Variants in PCDHGB3 observed in about 807,000 individuals in gnomAD.
PCDHGB3 encodes protocadherin gamma-B3.
Under a neutral mutation model 59.2 loss-of-function variants are expected in PCDHGB3, and 40 were observed. That is an observed-to-expected ratio of 0.68 (90% CI 0.52 to 0.88). PCDHGB3 has a LOEUF of 0.88. PCDHGB3 is among the 40% of genes least tolerant of loss of function. The probability of loss-of-function intolerance (pLI) is 0.00; values close to 1 mark genes in which losing one functional copy is unlikely to be tolerated. For missense variants in PCDHGB3, 1,309 were observed against 1,187.9 expected, an observed-to-expected ratio of 1.10 and a Z score of -1.50; for synonymous variants, 581 against 503.6, an observed-to-expected ratio of 1.15 and a Z score of -2.06.
Position 141,485,119 on chromosome 5 carries a change from C to A in PCDHGB3, c.2416-9688C>A. 3.0e-6 allele frequency: 4 copies of A among 1,328,812 alleles called. No homozygotes were observed. Among genetic ancestry groups the A allele is most frequent in the Non-Finnish European group, 4.3e-6 (4 of 935,940 alleles). The allele number at this position is 1,328,812 out of a possible 1,614,324, so 82.3% of individuals were successfully genotyped here. ...CTCCAGCTGCTGTGGCTGTTTGGGG[C>A]GGGTCGGCTTCATCCGCGTCTCAGG... On this transcript the variant is annotated intron_variant, in intron 1 of 3. Transcript: ENST00000576222. This position sits in a 1 kb window ranked among gnomAD's most constrained non-coding sequence, Gnocchi z 5.7.
At chr5:141,410,767 G>T in intron 1 of PCDHGB3, 6 of 942,270 alleles carry the variant, frequency 6.4e-6, no homozygotes, top group South Asian at 2.2e-5. Context: ...TTCAATTATA[G>T]TTTTCACTAT....
chr5:141,399,092 G>C (rs573118488), intron 1 of PCDHGB3: 1 of 1,613,810 alleles, frequency 6.2e-7, no homozygotes, highest in East Asian at 2.2e-5. Context: ...GATGGTGGTG[G>C]ACTGGTTGCA....
chr5:141,501,852 A>G (rs922276780), intron 2 of PCDHGB3, among the ~76,000 whole-genome samples: 2 of 151,924 alleles, frequency 1.3e-5, no homozygotes, highest in African/African-American at 4.8e-5. Context: ...TCAACCTTCA[A>G]CCATTTCCCA....
rs1460626002 is a variant in PCDHGB3, at chr5:141,486,935, C to A, written c.2416-7872C>A. ...ACTGCCTCCATCAGTTGGTGCTGGC[C>A]ACCTAATCACAAAGGTGACTGCTGT... On this transcript the variant is annotated intron_variant, in intron 1 of 3. Transcript: ENST00000576222. This position sits in a 1 kb window ranked among gnomAD's most constrained non-coding sequence, Gnocchi z 5.0. 5 of 1,614,228 alleles carry A rather than the reference C, an allele frequency of 3.1e-6. No individual in the cohort carries two copies. The highest frequency in any genetic ancestry group is 4.2e-6 in the Non-Finnish European group (5 of 1,180,038).
intron 1 of PCDHGB3, chr5:141,385,078 G>C (rs755613540): frequency 6.2e-7 from 1 of 1,614,222 alleles, no homozygotes. Context: ...CCTGCTGCAG[G>C]CTTCAGAAGG....
chr5:141,405,856 C>T (rs1340012897), intron 1 of PCDHGB3, among the ~76,000 whole-genome samples: 1 of 152,096 alleles, frequency 6.6e-6, no homozygotes, highest in Non-Finnish European at 1.5e-5. Flanking sequence ...GTGTGTTTCT[C>T]ATCACTTTTC....
chr5:141,489,159 T>G lies in PCDHGB3; in HGVS notation c.2416-5648T>G. On this transcript the variant is annotated intron_variant, in intron 1 of 3. Transcript: ENST00000576222. This position sits in a 1 kb window ranked among gnomAD's most constrained non-coding sequence, Gnocchi z 4.5. ...AGGCTGGAAGGAGACATAAGAGACT[T>G]CAGCTGCTGCATTCCAAGCCCTGGG... is the stretch of plus-strand genomic sequence containing the variant. 2 of 1,023,152 alleles carry G rather than the reference T, an allele frequency of 2.0e-6. No individual in the cohort carries two copies. Among genetic ancestry groups the G allele is most frequent in the Non-Finnish European group, 2.9e-6 (2 of 697,120 alleles). The allele number at this position is 1,023,152 out of a possible 1,614,324, so 63.4% of individuals were successfully genotyped here. A position where few individuals can be genotyped will look rare whatever the true frequency, so the allele number is the denominator to read the frequency against.
At chr5:141,406,682 ATTC>A (rs1390945950) in intron 1 of PCDHGB3, among the ~76,000 whole-genome samples, 1 of 152,216 alleles carries the variant, frequency 6.6e-6, no homozygotes, top group Non-Finnish European at 1.5e-5. Flanking sequence ...ATAGTAGGAC[ATTC>A]TTCTTTTCTA....
At chr5:141,450,835 T>TATTA (rs1438371595) in intron 1 of PCDHGB3, among the ~76,000 whole-genome samples, 1 of 142,096 alleles carries the variant, frequency 7.0e-6, no homozygotes, top group Admixed American at 6.9e-5. Context: ...TATTATTTTT[T>TATTA]TTTTTTTGAG....
At position 141,490,938 on chromosome 5, in the gene PCDHGB3, C is replaced by T. The variant is rs2099706179; in HGVS notation, c.2416-3869C>T. ...ATGATAATGCCCCAGCTGTGCTGCA[C>T]CCACGGCCAGACTGGGAACACTCAG... On this transcript the variant is annotated intron_variant, in intron 1 of 3. Coordinates refer to ENST00000576222, the MANE Select transcript of PCDHGB3 (RefSeq NM_018924.5). This position sits in a 1 kb window ranked among gnomAD's most constrained non-coding sequence, Gnocchi z 5.4. 6.2e-7 allele frequency: 1 copy of T among 1,613,554 alleles called. No homozygotes were observed. Among genetic ancestry groups the T allele is most frequent in the African/African-American group, 1.3e-5 (1 of 74,934 alleles).
chr5:141,504,790 CT>C (rs1204741124), intron 2 of PCDHGB3, among the ~76,000 whole-genome samples: 15 of 152,080 alleles, frequency 9.9e-5, no homozygotes, highest in Admixed American at 3.9e-4. Context: ...TTGGGGCCTC[CT>C]ACATCTCCCC....
chr5:141,397,047 G>T (rs180929307), intron 1 of PCDHGB3, among the ~76,000 whole-genome samples: 4 of 152,276 alleles, frequency 2.6e-5, no homozygotes, highest in Admixed American at 2.0e-4. Flanking sequence ...TTATGTAAAT[G>T]AACTTATGAG....
chr5:141,413,841 T>G, intron 1 of PCDHGB3: 1 of 1,613,060 alleles, frequency 6.2e-7, no homozygotes, highest in Non-Finnish European at 8.5e-7. Context: ...CCGACGGGGG[T>G]GACCCTCTCC....
At chr5:141,443,871 G>A (rs1395939418) in intron 1 of PCDHGB3, among the ~76,000 whole-genome samples, 1 of 152,112 alleles carries the variant, frequency 6.6e-6, no homozygotes, top group East Asian at 1.9e-4. Context: ...AAAAATTACT[G>A]ATAAGTCAAG....
At chr5:141,405,363 C>A (rs765508317) in intron 1 of PCDHGB3, 3 of 1,613,808 alleles carry the variant, frequency 1.9e-6, no homozygotes, top group South Asian at 1.1e-5. Context: ...ATAGAAGACA[C>A]CCCTTTGGTT....
rs2099606506 is a variant in PCDHGB3 at position 141,485,072 on chromosome 5, G to A, written c.2416-9735G>A. ...CCGGCCGAACCGCGCCAGAGCTGGC[G>A]CGGGGAAAGGGAGATAGGTGTCTCC... On this transcript the variant is annotated intron_variant, in intron 1 of 3. Transcript: ENST00000576222. This position sits in a 1 kb window ranked among gnomAD's most constrained non-coding sequence, Gnocchi z 5.7. 2 of 916,892 alleles carry A rather than the reference G, an allele frequency of 2.2e-6. No homozygotes were observed. The highest frequency in any genetic ancestry group is 3.4e-6 in the Non-Finnish European group (2 of 587,886). The allele number at this position is 916,892 out of a possible 1,614,324, so 56.8% of individuals were successfully genotyped here.
intron 1 of PCDHGB3, among the ~76,000 whole-genome samples, chr5:141,453,574 G>T (rs1285296493): frequency 6.6e-6 from 1 of 152,084 alleles, no homozygotes; most frequent in Non-Finnish European, 1.5e-5. Context: ...TCATTAGTTT[G>T]TGGTTTATCC....
rs758599120 is a variant in PCDHGB3 at position 141,414,165 on chromosome 5, A to G, written c.2415+41356A>G. On this transcript the variant is annotated intron_variant, in intron 1 of 3. Transcript: ENST00000576222. The stretch of plus-strand genomic sequence containing the variant: ...AAATACAAGCAGAAGATGGAGGAGC[A>G]TATCTTGCAACTGCAAAAGTGTTGA... 8 of 1,604,890 alleles carry G rather than the reference A, an allele frequency of 5.0e-6. No homozygotes were observed. The highest frequency in any genetic ancestry group is 2.2e-5 in the South Asian group (2 of 89,922).
At position 141,487,051 on chromosome 5, in the gene PCDHGB3, G is replaced by A. The variant is rs1348441475; in HGVS notation, c.2416-7756G>A. The A allele has an allele frequency of 3.7e-6, 6 of 1,614,024 alleles. No individual in the cohort carries two copies. The highest frequency in any genetic ancestry group is 5.1e-6 in the Non-Finnish European group (6 of 1,180,024). On this transcript the variant is annotated intron_variant, in intron 1 of 3. Coordinates refer to ENST00000576222, the MANE Select transcript of PCDHGB3 (RefSeq NM_018924.5). This position sits in a 1 kb window ranked among gnomAD's most constrained non-coding sequence, Gnocchi z 5.0. ...TGTTTGCAGTCTCTCGATATGCTGG[G>A]GAGGTGCGGACGGCTGTTCCTATCC... is the stretch of plus-strand genomic sequence containing the variant.
Sources: gnomAD v4.1 joint callset for allele counts (sites outside exome capture counted in the v4.1 genomes callset) on GRCh38, gnomAD v4.1.1 for gene constraint, Gnocchi (gnomAD v3.1) non-coding constraint, MANE v1.5 for transcripts, NCBI Gene and HGNC (gene_info 2026-07-23, HGNC 2026-07-21) for gene names.